TYW1: variants seen among roughly 807,000 people sequenced by gnomAD.
TYW1 encodes S-adenosyl-L-methionine-dependent tRNA 4-demethylwyosine synthase TYW1.
In TYW1, 46 loss-of-function variants were observed where a neutral mutation model predicts 96.2. The observed-to-expected ratio is 0.48, with a 90% confidence interval of 0.38 to 0.61. The LOEUF is 0.61. TYW1 is among the 20% of genes least tolerant of loss of function. The probability of loss-of-function intolerance (pLI) is 0.00; values close to 1 mark genes in which losing one functional copy is unlikely to be tolerated. For missense variants in TYW1, 684 were observed against 909.6 expected, an observed-to-expected ratio of 0.75 and a Z score of 3.19; for synonymous variants, 274 against 323.0, an observed-to-expected ratio of 0.85 and a Z score of 1.63.
intron 12 of TYW1, among the ~76,000 whole-genome samples, chr7:67,101,209 A>G (rs1461233381): frequency 6.6e-6 from 1 of 152,158 alleles, no homozygotes; most frequent in Non-Finnish European, 1.5e-5. Context: ...ACTGGGGCCC[A>G]GTGTATGAGA....
At chr7:67,218,303 AT>A (rs1171220030) in intron 15 of TYW1, among the ~76,000 whole-genome samples, 4 of 151,324 alleles carry the variant, frequency 2.6e-5, no homozygotes, top group Non-Finnish European at 5.9e-5. Flanking sequence ...AATTTGAAGT[AT>A]TTTATTATTT....
chr7:67,164,506 G>A (rs915047391), intron 13 of TYW1, among the ~76,000 whole-genome samples: 2 of 151,996 alleles, frequency 1.3e-5, no homozygotes, highest in African/African-American at 4.8e-5. Context: ...AGCTACTCAG[G>A]AGGCTGAGGT....
At chr7:67,136,675 GTGTGTGTGTGTA>G (rs1197822364) in intron 13 of TYW1, among the ~76,000 whole-genome samples, 2,453 of 149,414 alleles carry the variant, frequency 0.016, 64 homozygotes, top group African/African-American at 0.057. Flanking sequence ...GTGTGTGTGT[GTGTGTGTGTGTA>G]TATATATATA....
At chr7:67,057,505 A>G (rs1200895272) in intron 9 of TYW1, among the ~76,000 whole-genome samples, 2 of 151,844 alleles carry the variant, frequency 1.3e-5, no homozygotes, top group Non-Finnish European at 2.9e-5. Context: ...TGGGATTACA[A>G]GCGTGTGCCA....
In TYW1 at chr7:67,059,260, C is replaced by T. The variant is rs113821340; in HGVS notation, c.1155+3373C>T. Among the ~76,000 whole-genome samples the T allele has an allele frequency of 4.8e-4, 73 of 151,578 alleles. 1 individual carries two copies. The highest frequency in any genetic ancestry group is 1.7e-3 in the African/African-American group (69 of 41,284). ...GACTGCAGGCGCCCGCCACCACTCC[C>T]GGCTAATTTTTTTTTTGTATTTTTA... is the stretch of plus-strand genomic sequence containing the variant. On this transcript the variant is annotated intron_variant, in intron 9 of 15. Transcript: ENST00000359626.
intron 3 of TYW1, among the ~76,000 whole-genome samples, chr7:67,008,676 A>C (rs1176731653): frequency 1.3e-5 from 2 of 151,250 alleles, no homozygotes; most frequent in African/African-American, 4.9e-5. Flanking sequence ...TTATTTATTT[A>C]TTTATTTTGG....
chr7:67,137,461 T>A (rs902823300), intron 13 of TYW1, among the ~76,000 whole-genome samples: 20 of 151,854 alleles, frequency 1.3e-4, no homozygotes, highest in African/African-American at 2.2e-4. Flanking sequence ...TTAAAAAAAA[T>A]AAATAAAATA....
chr7:67,002,437 G>T (rs1202555324), intron 3 of TYW1, among the ~76,000 whole-genome samples: 1 of 152,128 alleles, frequency 6.6e-6, no homozygotes, highest in Non-Finnish European at 1.5e-5. Context: ...ATTTGGTCGT[G>T]TGTAGAAGAC....
At chr7:67,236,598 G>A (rs1801898409) in intron 15 of TYW1, among the ~76,000 whole-genome samples, 1 of 152,210 alleles carries the variant, frequency 6.6e-6, no homozygotes, top group Admixed American at 6.5e-5. Context: ...ATGATGGTGA[G>A]ATATAAATTT....
chr7:67,028,473 G>A (rs1794534417), intron 7 of TYW1, among the ~76,000 whole-genome samples: 1 of 152,206 alleles, frequency 6.6e-6, no homozygotes, highest in South Asian at 2.1e-4. Flanking sequence ...CAAAACACAC[G>A]AATAAGAATT....
At chr7:67,043,375 T>TC (rs1554351455) in intron 7 of TYW1, among the ~76,000 whole-genome samples, 3 of 150,324 alleles carry the variant, frequency 2.0e-5, no homozygotes, top group Admixed American at 1.3e-4. Flanking sequence ...TTTTTTTTTT[T>TC]CCTGCAGTAA....
rs765487649 is a variant in TYW1 at position 67,117,523 on chromosome 7, G to A, written c.1603G>A (p.Ala535Thr). The A allele has an allele frequency of 6.2e-7, 1 of 1,613,944 alleles. No individual in the cohort carries two copies. Among genetic ancestry groups the A allele is most frequent in the East Asian group, 2.2e-5 (1 of 44,874 alleles). Reference protein sequence around the residue: ...PVTQLYVSVDASTKDSLKKID... With the variant: ...PVTQLYVSVDTSTKDSLKKID... ...TACTCAGCTGTATGTCAGTGTGGATGCCAGTACCAAAGACAGCCTGAAGAA... is the reference window on the plus strand; with the variant it reads ...TACTCAGCTGTATGTCAGTGTGGATACCAGTACCAAAGACAGCCTGAAGAA... Residue 535 changes from alanine (A) to threonine (T), a missense_variant, in exon 13 of 16, where the codon GCC (alanine) becomes ACC (threonine). By Grantham distance (58) the Ala-to-Thr change is moderately conservative (BLOSUM62 0). Coordinates refer to ENST00000359626, the MANE Select transcript of TYW1 (RefSeq NM_018264.4).
chr7:67,044,808 T>C (rs772129746), intron 7 of TYW1, among the ~76,000 whole-genome samples: 95 of 151,946 alleles, frequency 6.3e-4, no homozygotes, highest in Non-Finnish European at 1.1e-3. Flanking sequence ...TTAGTAGAGA[T>C]GGGGTTTCAC....
At chr7:67,227,330 C>T (rs1801595936) in intron 15 of TYW1, among the ~76,000 whole-genome samples, 4 of 152,156 alleles carry the variant, frequency 2.6e-5, no homozygotes. Flanking sequence ...GATCTCTGCT[C>T]ACAGCAACCT....
rs535455529 is a variant in TYW1 at position 67,042,847 on chromosome 7, G to T, written c.985-7102G>T. Among the ~76,000 whole-genome samples, 14 of 151,874 alleles carry T rather than the reference G, an allele frequency of 9.2e-5. 1 individual carries two copies. The South Asian group carries it at 1.9e-3, about 20-fold the overall frequency. On this transcript the variant is annotated intron_variant, in intron 7 of 15. Coordinates refer to ENST00000359626, the MANE Select transcript of TYW1 (RefSeq NM_018264.4). ...CCTCATTTCTACTAAAAATACAAAA[G>T]TTAGTGGGATGTGGTGGCACACGCC...
At chr7:67,109,677 T>C (rs189467905) in intron 12 of TYW1, among the ~76,000 whole-genome samples, 2,357 of 152,176 alleles carry the variant, frequency 0.015, 29 homozygotes, top group Admixed American at 0.043. Context: ...GGTCAGGAGT[T>C]CAAGACCAGC....
chr7:67,227,697 G>A (rs1445753297), intron 15 of TYW1, among the ~76,000 whole-genome samples: 6 of 151,966 alleles, frequency 3.9e-5, no homozygotes, highest in African/African-American at 1.5e-4. Context: ...TGACTGAGCT[G>A]CAGTAAAATC....
intron 12 of TYW1, among the ~76,000 whole-genome samples, chr7:67,111,274 G>A (rs1362916890): frequency 6.6e-6 from 1 of 151,880 alleles, no homozygotes; most frequent in Non-Finnish European, 1.5e-5. Context: ...CACAATCTCA[G>A]CTCACTGCAA....
chr7:67,165,652 G>T (rs1799297333), intron 13 of TYW1, among the ~76,000 whole-genome samples: 1 of 152,162 alleles, frequency 6.6e-6, no homozygotes, highest in South Asian at 2.1e-4. Context: ...TTAGGGCCAG[G>T]CGTGGTGGCT....
Sources: allele counts gnomAD v4.1 joint callset (sites outside exome capture counted in the v4.1 genomes callset), GRCh38; gene constraint gnomAD v4.1.1; transcripts MANE v1.5; gene names NCBI Gene and HGNC (gene_info 2026-07-23, HGNC 2026-07-21).